Variants in IMMP2L observed in about 807,000 individuals in gnomAD.
IMMP2L encodes inner mitochondrial membrane peptidase subunit 2, also known as mitochondrial inner membrane protease subunit 2.
Under a neutral mutation model 19.3 loss-of-function variants are expected in IMMP2L, and 18 were observed. The observed-to-expected ratio is 0.93, with a 90% CI of 0.64 to 1.38. IMMP2L has a LOEUF of 1.38. Ranked by LOEUF, IMMP2L falls within the 40% of genes most tolerant of loss-of-function variation. IMMP2L has a pLI of 0.00. For synonymous variants in IMMP2L, 76 were observed against 73.0 expected (o/e 1.04, Z -0.21); for missense variants, 233 against 218.2 (o/e 1.07, Z -0.43).
intron 4 of IMMP2L, among the ~76,000 whole-genome samples, chr7:110,890,881 A>T (rs1810718063): frequency 6.6e-6 from 1 of 152,052 alleles, no homozygotes; most frequent in Non-Finnish European, 1.5e-5. Flanking sequence ...GAATCTTTTG[A>T]GTGTCATCGG....
chr7:111,369,618 A>AT (rs1830090443), intron 3 of IMMP2L, among the ~76,000 whole-genome samples: 1 of 151,954 alleles, frequency 6.6e-6, no homozygotes, highest in African/African-American at 2.4e-5. Context: ...TTCTTTAAAA[A>AT]TTAAAAAACA....
At chr7:111,503,531 A>T (rs1156253729) in intron 2 of IMMP2L, among the ~76,000 whole-genome samples, 1 of 152,206 alleles carries the variant, frequency 6.6e-6, no homozygotes, top group Non-Finnish European at 1.5e-5. Context: ...AGAGAATTTT[A>T]GACCAATATC....
chr7:111,300,526 TATTAAC>T (rs1584513803), intron 3 of IMMP2L, among the ~76,000 whole-genome samples: 1 of 152,126 alleles, frequency 6.6e-6, no homozygotes, highest in Non-Finnish European at 1.5e-5. Context: ...ACAACCATGA[TATTAAC>T]ATTAACACAG....
chr7:110,906,325 T>G (rs1812446156), intron 4 of IMMP2L, among the ~76,000 whole-genome samples: 1 of 152,204 alleles, frequency 6.6e-6, no homozygotes, highest in Admixed American at 6.5e-5. Context: ...CAGAGTAACC[T>G]TTTAGTTGTG....
At chr7:111,315,879 A>G (rs1222615252) in intron 3 of IMMP2L, among the ~76,000 whole-genome samples, 1 of 152,172 alleles carries the variant, frequency 6.6e-6, no homozygotes, top group Non-Finnish European at 1.5e-5. Flanking sequence ...CCACACCTGA[A>G]CAACAGGAAA....
chr7:111,134,747 C>A (rs1802174190), intron 3 of IMMP2L, among the ~76,000 whole-genome samples: 1 of 151,790 alleles, frequency 6.6e-6, no homozygotes, highest in African/African-American at 2.4e-5. Flanking sequence ...AGAGAAAATT[C>A]TAAACAAAAA....
At chr7:111,077,030 G>T (rs1390532161) in intron 3 of IMMP2L, among the ~76,000 whole-genome samples, 1 of 152,208 alleles carries the variant, frequency 6.6e-6, no homozygotes, top group Non-Finnish European at 1.5e-5. Context: ...GGTGGAATCA[G>T]GAAAATCTTA....
intron 3 of IMMP2L, among the ~76,000 whole-genome samples, chr7:111,168,880 A>G (rs2129608551): frequency 6.6e-6 from 1 of 151,992 alleles, no homozygotes; most frequent in East Asian, 1.9e-4. Context: ...ACCATAAGAA[A>G]GTACTACAAA....
chr7:110,911,315 A>G (rs938948658), intron 4 of IMMP2L, among the ~76,000 whole-genome samples: 5 of 152,158 alleles, frequency 3.3e-5, no homozygotes, highest in African/African-American at 1.2e-4. Context: ...AAGTGAAATT[A>G]AAAATATATT....
rs199800688 is a variant in IMMP2L, at chr7:111,176,535, AT to A, written c.240-212971del. Among the ~76,000 whole-genome samples the A allele has an allele frequency of 4.3e-3, 646 of 151,196 alleles. 23 individuals carry two copies. The highest frequency in any genetic ancestry group is 0.038 in the Admixed American group (577 of 15,184). On this transcript the variant is annotated intron_variant, in intron 3 of 5. Coordinates refer to ENST00000405709, the MANE Select transcript of IMMP2L (RefSeq NM_032549.4). ...AGCCAGGCACCAAAAGACAAATCTC[AT>A]GTTTTCACTTATTTGTGGAAGCTAA...
chr7:110,672,716 T>C (rs1792006711), intron 5 of IMMP2L, among the ~76,000 whole-genome samples: 1 of 152,140 alleles, frequency 6.6e-6, no homozygotes, highest in African/African-American at 2.4e-5. Flanking sequence ...TGAAATCCAG[T>C]AGGGTAGTCA....
chr7:111,292,055 T>A (rs1216482472), intron 3 of IMMP2L, among the ~76,000 whole-genome samples: 1 of 152,146 alleles, frequency 6.6e-6, no homozygotes, highest in East Asian at 1.9e-4. Flanking sequence ...ACTCATATAA[T>A]ATCTCTTCAC....
At chr7:111,500,262 GCGCCTGC>G in intron 2 of IMMP2L, among the ~76,000 whole-genome samples, 1 of 152,184 alleles carries the variant, frequency 6.6e-6, no homozygotes, top group South Asian at 2.1e-4. Flanking sequence ...TGGGGAAGGG[GCGCCTGC>G]CATTGCCGAG....
At position 111,158,004 on chromosome 7, in the gene IMMP2L, G is replaced by T. The variant is rs1014163471; in HGVS notation, c.240-194439C>A. Reference sequence around the variant, plus strand: ...TGTCTGCACAAGCAGCACAAATCTGGCCCCGATGACATCATTAAAATATAT... The same window carrying T: ...TGTCTGCACAAGCAGCACAAATCTGTCCCCGATGACATCATTAAAATATAT... On this transcript the variant is annotated intron_variant, in intron 3 of 5. Coordinates refer to ENST00000405709, the MANE Select transcript of IMMP2L (RefSeq NM_032549.4). Among the ~76,000 whole-genome samples, 3 of 151,888 alleles carry T rather than the reference G, an allele frequency of 2.0e-5. No individual in the cohort carries two copies. In the South Asian group the frequency reaches 6.2e-4, roughly 32 times the overall value.
At chr7:110,762,110 C>T (rs908042549) in intron 5 of IMMP2L, among the ~76,000 whole-genome samples, 13 of 152,074 alleles carry the variant, frequency 8.5e-5, no homozygotes, top group African/African-American at 3.1e-4. Flanking sequence ...TATTTTAAGG[C>T]ATTTAAAAGA....
chr7:111,145,198 T>C (rs1803335628), intron 3 of IMMP2L, among the ~76,000 whole-genome samples: 1 of 152,052 alleles, frequency 6.6e-6, no homozygotes, highest in Admixed American at 6.6e-5. Flanking sequence ...ATATGAAATA[T>C]ACTAAGGATT....
intron 3 of IMMP2L, among the ~76,000 whole-genome samples, chr7:111,148,790 G>A (rs1803762374): frequency 6.6e-6 from 1 of 151,820 alleles, no homozygotes; most frequent in Admixed American, 6.6e-5. Flanking sequence ...GTTACCAAAT[G>A]AGTATATTAG....
At chr7:111,530,597 T>C (rs1585539364) in intron 1 of IMMP2L, among the ~76,000 whole-genome samples, 1 of 151,810 alleles carries the variant, frequency 6.6e-6, no homozygotes, top group Non-Finnish European at 1.5e-5. Flanking sequence ...AGTGCCAGAA[T>C]TGGACCACAG....
At chr7:110,670,688 TC>T (rs1328719491) in intron 5 of IMMP2L, among the ~76,000 whole-genome samples, 2 of 97,280 alleles carry the variant, frequency 2.1e-5, no homozygotes, top group East Asian at 2.8e-4. Flanking sequence ...AGACTCCGTC[TC>T]AAAAAAAAAA....
Sources: gnomAD v4.1 joint callset for allele counts (sites outside exome capture counted in the v4.1 genomes callset) on GRCh38, gnomAD v4.1.1 for gene constraint, MANE v1.5 for transcripts, NCBI Gene and HGNC (gene_info 2026-07-23, HGNC 2026-07-21) for gene names.